Variants in BTBD9 observed in about 807,000 individuals in gnomAD.
BTBD9 encodes BTB domain containing 9, also known as BTB/POZ domain-containing protein 9.
A neutral mutation model predicts 64.3 loss-of-function variants in BTBD9; 49 were observed. That is an observed-to-expected ratio of 0.76 (90% CI 0.61 to 0.97). The LOEUF (loss-of-function observed/expected upper bound fraction) is 0.97, where lower values mean the gene tolerates loss of function less well. Among genes scored for constraint, BTBD9 ranks in the 50% least tolerant of loss-of-function variants. The pLI is 0.00. For missense variants in BTBD9, 598 were observed against 762.1 expected (o/e 0.78, Z 2.53); for synonymous variants, 260 against 274.7 (o/e 0.95, Z 0.53).
chr6:38,171,443 AAGTGACAATTTAAAG>A lies in BTBD9; in HGVS notation c.*3527_*3541del, dbSNP rs1307886175. ...GACACTTCATTTAATAGGATTTAAAAAGTGACAATTTAAAGAGCAATTGAGAAGAGTCCCACATCC... is the reference window on the plus strand; with the variant it reads ...GACACTTCATTTAATAGGATTTAAAAAGCAATTGAGAAGAGTCCCACATCC... On this transcript the variant is annotated 3_prime_UTR_variant, in exon 11 of 11. Coordinates refer to ENST00000481247, the MANE Select transcript of BTBD9 (RefSeq NM_001099272.2). The A allele has an allele frequency of 1.3e-5, 2 of 152,156 alleles. No individual in the cohort carries two copies. The highest frequency in any genetic ancestry group is 4.8e-5 in the African/African-American group (2 of 41,440). The allele number at this position is 152,156 out of a possible 1,614,324, so 9.4% of individuals were successfully genotyped here. A position where few individuals can be genotyped will look rare whatever the true frequency, so the allele number is the denominator to read the frequency against.
Position 38,236,560 on chromosome 6 carries a change from A to G in BTBD9, c.1562+19849T>C, listed in dbSNP as rs965024004. On this transcript the variant is annotated intron_variant, in intron 9 of 10. Transcript: ENST00000481247. ...TGTAATGGGGGATATCTCCATATAA[A>G]ATTCCTAAGTAAAAGGGTCACAAGA... Among the ~76,000 whole-genome samples the G allele has an allele frequency of 3.9e-5, 6 of 152,316 alleles. No individual in the cohort carries two copies. In the Middle Eastern group the frequency reaches 0.014, roughly 345 times the overall value.
chr6:38,591,161 C>G (rs1264200968), intron 4 of BTBD9, among the ~76,000 whole-genome samples: 1 of 152,200 alleles, frequency 6.6e-6, no homozygotes, highest in Non-Finnish European at 1.5e-5. Context: ...AGATTCCAAT[C>G]TAGTTTCCAA....
chr6:38,288,080 G>A (rs748812049), intron 8 of BTBD9, among the ~76,000 whole-genome samples, 192 bp downstream of exon 8: 2 of 152,098 alleles, frequency 1.3e-5, no homozygotes, highest in Non-Finnish European at 2.9e-5. Flanking sequence ...TACTGCCCCA[G>A]TGGAAAATCC....
chr6:38,373,278 C>T (rs1188648263), intron 6 of BTBD9, among the ~76,000 whole-genome samples: 1 of 152,160 alleles, frequency 6.6e-6, no homozygotes, highest in Non-Finnish European at 1.5e-5. Flanking sequence ...TAGTCATAGA[C>T]TATTCATGCC....
chr6:38,256,540 A>T (rs201261900), intron 8 of BTBD9, 24 bp from the exon 9 acceptor site: 218 of 1,512,870 alleles, frequency 1.4e-4, no homozygotes, highest in Non-Finnish European at 1.9e-4. Context: ...AAAACATAAG[A>T]TTGCTGTAAA....
At chr6:38,383,163 T>A (rs377080503) in intron 6 of BTBD9, among the ~76,000 whole-genome samples, 1 of 152,168 alleles carries the variant, frequency 6.6e-6, no homozygotes, top group Non-Finnish European at 1.5e-5. Context: ...TAAATAATCA[T>A]CATGACCAAA....
intron 4 of BTBD9, among the ~76,000 whole-genome samples, chr6:38,589,923 G>A (rs6458060): frequency 0.27 from 40,552 of 151,976 alleles, 5,667 homozygotes; most frequent in African/African-American, 0.3. Context: ...CTGGCAATAG[G>A]TTTTCTCCAA....
At chr6:38,243,349 G>A (rs933570917) in intron 9 of BTBD9, among the ~76,000 whole-genome samples, 18 of 152,146 alleles carry the variant, frequency 1.2e-4, no homozygotes, top group South Asian at 4.1e-4. Flanking sequence ...GGTAAGGATC[G>A]GAGGCTTTCC....
intron 8 of BTBD9, among the ~76,000 whole-genome samples, chr6:38,287,868 AT>A (rs2127555280): frequency 6.6e-6 from 1 of 152,374 alleles, no homozygotes; most frequent in Admixed American, 6.5e-5. Flanking sequence ...GATCACTAAG[AT>A]TATTCAAAAC....
Position 38,504,610 on chromosome 6 carries a change from C to G in BTBD9, c.1154+72990G>C, listed in dbSNP as rs140105961. ...TTTAGGCTTTGGGGGAAGTTATTAA[C>G]AATATAGTTTAAAATTATATAAAAT... is the stretch of plus-strand genomic sequence containing the variant. On this transcript the variant is annotated intron_variant, in intron 6 of 10. Transcript: ENST00000481247. The G allele has an allele frequency of 4.2e-5, 19 of 456,284 alleles. 1 individual carries two copies. Among genetic ancestry groups the G allele is most frequent in the South Asian group, 3.0e-4 (19 of 64,390 alleles). The allele number at this position is 456,284 out of a possible 1,614,324, so 28.3% of individuals were successfully genotyped here.
At chr6:38,279,714 C>T (rs2127549996) in intron 8 of BTBD9, among the ~76,000 whole-genome samples, 1 of 152,236 alleles carries the variant, frequency 6.6e-6, no homozygotes, top group Admixed American at 6.5e-5. Flanking sequence ...GTGAACAATT[C>T]TGGTTTTTAA....
chr6:38,195,483 T>G (rs1170739159), intron 9 of BTBD9, among the ~76,000 whole-genome samples: 1 of 152,100 alleles, frequency 6.6e-6, no homozygotes, highest in African/African-American at 2.4e-5. Context: ...AGCAGTGAAT[T>G]GTTAAAAAAT....
intron 6 of BTBD9, among the ~76,000 whole-genome samples, chr6:38,391,894 A>G (rs1766435450): frequency 6.6e-6 from 1 of 152,138 alleles, no homozygotes; most frequent in Non-Finnish European, 1.5e-5. Context: ...CTCAAAATCC[A>G]CAAGAACTAT....
At chr6:38,238,707 T>C (rs1327082489) in intron 9 of BTBD9, among the ~76,000 whole-genome samples, 2 of 152,084 alleles carry the variant, frequency 1.3e-5, no homozygotes, top group African/African-American at 4.8e-5. Flanking sequence ...TTTCCTGACC[T>C]GTTGATCCGC....
chr6:38,590,465 T>C (rs902879032), intron 4 of BTBD9, among the ~76,000 whole-genome samples: 7 of 152,206 alleles, frequency 4.6e-5, no homozygotes, highest in Non-Finnish European at 7.4e-5. Flanking sequence ...TCTTCTCCTA[T>C]GCCCAGTGAA....
chr6:38,578,868 T>A (rs912845517), intron 5 of BTBD9, among the ~76,000 whole-genome samples: 2 of 152,218 alleles, frequency 1.3e-5, no homozygotes, highest in Non-Finnish European at 2.9e-5. Context: ...ACAGAAACGA[T>A]GACAACCACT....
chr6:38,289,797 C>G (rs940949585), intron 7 of BTBD9, among the ~76,000 whole-genome samples: 1 of 152,116 alleles, frequency 6.6e-6, no homozygotes, highest in African/African-American at 2.4e-5. Flanking sequence ...TTATAAAAGT[C>G]AAGAACTTCC....
chr6:38,276,442 T>C (rs11751566), intron 8 of BTBD9, among the ~76,000 whole-genome samples: 90 of 152,156 alleles, frequency 5.9e-4, no homozygotes, highest in Non-Finnish European at 1.1e-3. Flanking sequence ...GGCACATGTA[T>C]ACATATGTAA....
chr6:38,523,977 T>G (rs1201316248), intron 6 of BTBD9, among the ~76,000 whole-genome samples: 1 of 152,236 alleles, frequency 6.6e-6, no homozygotes, highest in African/African-American at 2.4e-5. Context: ...ACTACACTAT[T>G]CATTTGTCAA....
Sources: allele counts gnomAD v4.1 joint callset (sites outside exome capture counted in the v4.1 genomes callset), GRCh38; gene constraint gnomAD v4.1.1; transcripts MANE v1.5; gene names NCBI Gene and HGNC (gene_info 2026-07-23, HGNC 2026-07-21).